Variants in ARAP2 observed in about 807,000 individuals in gnomAD.
The protein encoded by ARAP2 is arf-GAP with Rho-GAP domain, ANK repeat and PH domain-containing protein 2.
ARAP2 carries 148 observed loss-of-function variants against 194.5 expected under a neutral mutation model. The ratio of observed to expected loss-of-function variants is 0.76; its 90% confidence interval spans 0.67 to 0.87. The LOEUF is 0.87. Among genes scored for constraint, ARAP2 ranks in the 40% least tolerant of loss-of-function variants. The pLI is 0.00. For synonymous variants in ARAP2, 695 were observed against 683.5 expected (o/e 1.02, Z -0.26); for missense variants, 2,128 against 1,989.7 (o/e 1.07, Z -1.32).
chr4:36,158,929 A>T, intron 14 of ARAP2, 65 bp from the exon 15 acceptor site: 1 of 1,456,346 alleles, frequency 6.9e-7, no homozygotes, highest in Non-Finnish European at 9.3e-7. Flanking sequence ...TTTTGTTTAT[A>T]ATATGTACAT....
rs73806453 is a variant in ARAP2, at chr4:36,104,383, G to A, written c.4285+3182C>T. ...GAGAAATCATATTTGATTTATTTTC[G>A]TTATTTCCCTTTTAGATCCCAATTT... On this transcript the variant is annotated intron_variant, in intron 27 of 32. Coordinates refer to ENST00000303965, the MANE Select transcript of ARAP2 (RefSeq NM_015230.4). Among the ~76,000 whole-genome samples, 867 of 151,858 alleles carry A rather than the reference G, an allele frequency of 5.7e-3. 9 individuals are homozygous for A. Among genetic ancestry groups the A allele is most frequent in the African/African-American group, 0.02 (815 of 41,478 alleles).
chr4:36,147,402 T>C, intron 18 of ARAP2, 43 bp from the exon 19 acceptor site: 1 of 1,600,974 alleles, frequency 6.2e-7, no homozygotes. Flanking sequence ...TTTAAAACAC[T>C]GTAATAAACA....
At position 36,161,500 on chromosome 4, in the gene ARAP2, T is replaced by G. The variant is rs527814445; in HGVS notation, c.2224A>C (p.Met742Leu). The G allele has an allele frequency of 6.2e-7, 1 of 1,614,038 alleles. No individual in the cohort carries two copies. The highest frequency in any genetic ancestry group is 1.3e-5 in the African/African-American group (1 of 75,048). Residue 742 changes from methionine to leucine, a missense_variant, in exon 12 of 33, where the codon ATG becomes CTG. Transcript: ENST00000303965. ...TCATTGCTCCAAATGCTAGCATCCA[T>G]TTTTAGACTTCTAACCTTGGAATCT... ...PKDSKVRSLK[M>L]DASIWSNELI... is the part of the protein sequence containing the mutation.
chr4:36,159,784 T>A (rs1733487401), intron 13 of ARAP2: 1 of 225,290 alleles, frequency 4.4e-6, no homozygotes, highest in South Asian at 1.7e-4. Context: ...TTGGAAGACA[T>A]TTTTATGCTT....
At chr4:36,090,163 T>C (rs1713181114) in intron 28 of ARAP2, among the ~76,000 whole-genome samples, 1 of 151,948 alleles carries the variant, frequency 6.6e-6, no homozygotes, top group South Asian at 2.1e-4. Flanking sequence ...CTAGAAGAAA[T>C]GGGTATATTC....
At chr4:36,016,755 A>G (rs1234179216) in intron 6 of ARAP2, among the ~76,000 whole-genome samples, 2 of 152,156 alleles carry the variant, frequency 1.3e-5, no homozygotes, top group Non-Finnish European at 2.9e-5. Context: ...GCCTCGCTTG[A>G]AAACGTGAGA....
At chr4:36,166,650 AC>A (rs1340051385) in intron 10 of ARAP2, among the ~76,000 whole-genome samples, 5 of 151,300 alleles carry the variant, frequency 3.3e-5, no homozygotes, top group Non-Finnish European at 1.5e-5. Context: ...GGAATTTATC[AC>A]ATATTTTCAA....
chr4:36,112,239 C>T (rs910628903), intron 26 of ARAP2, among the ~76,000 whole-genome samples: 3 of 151,844 alleles, frequency 2.0e-5, no homozygotes, highest in African/African-American at 2.4e-5. Context: ...AATATAAAGC[C>T]TGAAATACAC....
chr4:36,119,584 G>A, intron 24 of ARAP2, 66 bp downstream of exon 24: 1 of 1,146,350 alleles, frequency 8.7e-7, no homozygotes, highest in Non-Finnish European at 1.3e-6. Context: ...CACAGCAAAT[G>A]TCTTTACTTA....
At position 36,091,403 on chromosome 4, in the gene ARAP2, C is replaced by T. The variant is rs185983174; in HGVS notation, c.4425+478G>A. On this transcript the variant is annotated intron_variant, in intron 28 of 32. Coordinates refer to ENST00000303965, the MANE Select transcript of ARAP2 (RefSeq NM_015230.4). ...AGATCTTTTAGGGAAATAAATTAGA[C>T]GGAATATATCAATAAGATTACATTA... Among the ~76,000 whole-genome samples the T allele has an allele frequency of 1.2e-3, 182 of 152,010 alleles. 1 individual carries two copies. Among genetic ancestry groups the T allele is most frequent in the African/African-American group, 4.0e-3 (165 of 41,492 alleles).
intron 6 of ARAP2, among the ~76,000 whole-genome samples, chr4:36,018,094 T>C: frequency 6.6e-6 from 1 of 152,308 alleles, no homozygotes; most frequent in Middle Eastern, 3.4e-3. Flanking sequence ...TTTTTCACTG[T>C]GTGACTTAAA....
chr4:36,029,311 A>G lies in ARAP2; in HGVS notation n.608-10025T>C, dbSNP rs1577587823. 2.0e-5 allele frequency among the ~76,000 whole-genome samples: 3 copies of G among 152,156 alleles called. No individual in the cohort carries two copies. In the East Asian group the frequency reaches 5.8e-4, roughly 29 times the overall value. ...ATTTGCTGCACTAGTACTCATAACTATATCATCATCGTACATTTTGGCCTA... is the reference window on the plus strand; with the variant it reads ...ATTTGCTGCACTAGTACTCATAACTGTATCATCATCGTACATTTTGGCCTA... On this transcript the variant is annotated intron_variant and non_coding_transcript_variant, in intron 5 of 12. Transcript: ENST00000503225.
At position 36,161,172 on chromosome 4, in the gene ARAP2, C is replaced by CAT. The variant is rs1383115185; in HGVS notation, c.2259+292_2259+293insAT. On this transcript the variant is annotated intron_variant, in intron 12 of 32. Transcript: ENST00000303965. ...ACACACACACACACACACACACACA[C>CAT]ACACACACACACACACATATACAGT... 5.1e-4 allele frequency among the ~76,000 whole-genome samples: 77 copies of CAT among 150,550 alleles called. 5 individuals are homozygous for CAT. Among genetic ancestry groups the CAT allele is most frequent in the South Asian group, 6.3e-4 (3 of 4,782 alleles).
chr4:36,191,730 T>A (rs1741944056), intron 7 of ARAP2, among the ~76,000 whole-genome samples: 1 of 152,036 alleles, frequency 6.6e-6, no homozygotes, highest in South Asian at 2.1e-4. Context: ...AACACACAGG[T>A]ATCTAGGGCA....
chr4:36,047,679 A>C (rs1722050831), intron 3 of ARAP2, among the ~76,000 whole-genome samples: 1 of 152,128 alleles, frequency 6.6e-6, no homozygotes, highest in Non-Finnish European at 1.5e-5. Context: ...TCAGGTGGAC[A>C]CTCCTTACTC....
intron 1 of ARAP2, among the ~76,000 whole-genome samples, chr4:36,238,965 G>A (rs1165406190): frequency 3.3e-5 from 5 of 152,080 alleles, no homozygotes; most frequent in Non-Finnish European, 1.5e-5. Context: ...AAAAACAAAT[G>A]TGCTTGACGA....
At chr4:36,055,875 C>T (rs1475159768) in intron 2 of ARAP2, among the ~76,000 whole-genome samples, 1 of 152,020 alleles carries the variant, frequency 6.6e-6, no homozygotes, top group Non-Finnish European at 1.5e-5. Flanking sequence ...GTTTCAGGTA[C>T]GTTTATAAGG....
At chr4:36,159,630 T>C in intron 13 of ARAP2, 125 bp from the exon 14 acceptor site, 1 of 846,736 alleles carries the variant, frequency 1.2e-6, no homozygotes, top group Non-Finnish European at 1.6e-6. Flanking sequence ...CTAAGGCGGC[T>C]AATAATAATT....
intron 6 of ARAP2, 43 bp from the exon 7 acceptor site, chr4:36,193,690 G>A: frequency 1.4e-6 from 2 of 1,394,134 alleles, no homozygotes; most frequent in Non-Finnish European, 2.0e-6. Flanking sequence ...CAAGTAACAT[G>A]AACTTAGATT....
Sources: allele counts gnomAD v4.1 joint callset (sites outside exome capture counted in the v4.1 genomes callset), GRCh38; gene constraint gnomAD v4.1.1; transcripts MANE v1.5; gene names NCBI Gene and HGNC (gene_info 2026-07-23, HGNC 2026-07-21).